COL4A6: variants seen among roughly 807,000 people sequenced by gnomAD.
COL4A6 encodes the protein collagen alpha-6(IV) chain.
COL4A6 carries 59 observed loss-of-function variants against 126.7 expected under a neutral mutation model. The observed-to-expected ratio is 0.47, with a 90% CI of 0.38 to 0.58. COL4A6 has a LOEUF of 0.58. Among genes scored for constraint, COL4A6 ranks in the 20% least tolerant of loss-of-function variants. The pLI, the probability that COL4A6 is intolerant of heterozygous loss-of-function variation, is 0.00. For missense variants in COL4A6, 1,285 were observed against 1,337.3 expected (o/e 0.96, Z 0.61); for synonymous variants, 547 against 496.6 (o/e 1.10, Z -1.35).
intron 3 of COL4A6, among the ~76,000 whole-genome samples, chrX:108,250,070 C>T (rs1320794837): frequency 8.9e-6 from 1 of 112,108 alleles, no homozygotes; most frequent in Non-Finnish European, 1.9e-5. Flanking sequence ...TCCAGGAACA[C>T]AGAATGGCAT....
At chrX:108,161,529 T>A in intron 42 of COL4A6, 90 bp downstream of exon 42, 1 of 569,004 alleles carries the variant, frequency 1.8e-6, no homozygotes, top group South Asian at 2.9e-5. Context: ...TTATTAAGTT[T>A]CAGACTTGAA....
At chrX:108,219,488 C>T (rs762718258) in intron 5 of COL4A6, among the ~76,000 whole-genome samples, 9 of 111,756 alleles carry the variant, frequency 8.1e-5, no homozygotes, top group African/African-American at 2.3e-4. Context: ...CAGGTCCCTC[C>T]GCTCTCCAAT....
chrX:108,414,791 C>T (rs755781195), intron 2 of COL4A6, among the ~76,000 whole-genome samples: 1 of 110,461 alleles, frequency 9.1e-6, no homozygotes, highest in South Asian at 3.9e-4. Context: ...GATCCTGTCT[C>T]AAAAACAAAA....
chrX:108,203,063 C>T, intron 12 of COL4A6, 82 bp from the exon 13 acceptor site: 1 of 819,095 alleles, frequency 1.2e-6, no homozygotes, highest in Non-Finnish European at 1.8e-6. Context: ...TGTACTTGGA[C>T]TGAGGAGTGG....
intron 3 of COL4A6, among the ~76,000 whole-genome samples, chrX:108,264,266 G>C (rs1278605580): frequency 9.0e-6 from 1 of 111,627 alleles, no homozygotes; most frequent in Non-Finnish European, 1.9e-5. Flanking sequence ...TTTATCTACT[G>C]TATACATATT....
Position 108,170,623 on chromosome X carries a change from A to C in COL4A6, c.3479T>G (p.Leu1160Ter). 1 of 1,201,772 alleles carries C rather than the reference A, an allele frequency of 8.3e-7. No homozygotes were observed. The change falls in exon 35 of 45, where the codon TTA becomes TGA. Residue 1160 changes from leucine (L) to a stop codon, truncating the protein, a stop_gained. Transcript: ENST00000334504. LOFTEE classifies it high-confidence loss of function. ...GAIGPLGSPG[L>*]IGPKGFPGFP... is the part of the protein sequence containing the mutation. ...AATACACATACCTTTGGGTCCTATT[A>C]ATCCGGGGGATCCTAGAGGCCCAAT...
chrX:108,293,209 T>G (rs761884499), intron 3 of COL4A6, among the ~76,000 whole-genome samples: 5 of 110,804 alleles, frequency 4.5e-5, no homozygotes. Context: ...GGATTGAATC[T>G]CAGCTTCACA....
At chrX:108,197,904 C>T (rs765431091) in intron 13 of COL4A6, among the ~76,000 whole-genome samples, 1 of 110,080 alleles carries the variant, frequency 9.1e-6, no homozygotes, top group African/African-American at 3.3e-5. Context: ...AGCCTTCATG[C>T]TACATTAAAT....
chrX:108,175,716 C>T lies in COL4A6; in HGVS notation c.2768G>A (p.Gly923Glu), dbSNP rs1484200222. 14 of 1,195,700 alleles carry T rather than the reference C, an allele frequency of 1.2e-5. No homozygotes were observed. The highest frequency in any genetic ancestry group is 1.6e-5 in the Non-Finnish European group (14 of 883,625). Residue 923 changes from glycine (G) to glutamate (E), a missense_variant, in exon 29 of 45, where the codon GGA becomes GAA. By Grantham distance (98) the Gly-to-Glu change is moderately conservative. Transcript: ENST00000334504. Reference protein sequence around the residue: ...PGIPGTRGLKGIPGSTGKMGP... With the variant: ...PGIPGTRGLKEIPGSTGKMGP... Reference sequence around the variant, plus strand: ...CATTTTTCCAGTTGATCCTGGAATTCCTTTTAATCCTCTTGTTCCAGGAAT... The same window carrying T: ...CATTTTTCCAGTTGATCCTGGAATTTCTTTTAATCCTCTTGTTCCAGGAAT...
At chrX:108,411,561 A>T (rs2041330064) in intron 2 of COL4A6, among the ~76,000 whole-genome samples, 1 of 112,142 alleles carries the variant, frequency 8.9e-6, no homozygotes, top group Non-Finnish European at 1.9e-5. Context: ...CTAAGGCCAC[A>T]GTGGCAGGGC....
intron 2 of COL4A6, among the ~76,000 whole-genome samples, chrX:108,328,962 AAC>A (rs1407826121): frequency 8.9e-5 from 10 of 112,074 alleles, no homozygotes; most frequent in Middle Eastern, 4.2e-3. Flanking sequence ...AGAAAAGTCA[AAC>A]ACAGAATAAA....
At chrX:108,172,299 G>C (rs2034330751) in intron 32 of COL4A6, among the ~76,000 whole-genome samples, 170 bp downstream of exon 32, 1 of 96,793 alleles carries the variant, frequency 1.0e-5, no homozygotes, top group Admixed American at 1.2e-4. Context: ...GCAGTGAGCT[G>C]AGATTGCGCC....
chrX:108,205,478 C>T lies in COL4A6; in HGVS notation c.648G>A (p.Gly216=), dbSNP rs765464562. 49 of 1,197,133 alleles carry T rather than the reference C, an allele frequency of 4.1e-5. No individual in the cohort carries two copies. Among genetic ancestry groups the T allele is most frequent in the Non-Finnish European group, 5.2e-5 (46 of 884,511 alleles). ...CTCCTTGAAAACCTAGCCCCATATT[C>T]CCCTAGGGAATAGGGATATAGGGAG... ...PGPPGPLGPD[G]NMGLGFQGEK... is the part of the protein sequence containing the mutation. Residue 216 remains glycine (G), a splice_region_variant and synonymous_variant, in exon 11 of 45, where the codon GGG becomes GGA. Transcript: ENST00000334504.
chrX:108,157,285 A>G (rs1249176382), intron 44 of COL4A6, 25 bp from the exon 45 acceptor site: 1 of 1,195,100 alleles, frequency 8.4e-7, no homozygotes, highest in Non-Finnish European at 1.1e-6. Flanking sequence ...AGATTAGTGC[A>G]TGAGCTGTGC....
At chrX:108,205,588 C>T in intron 10 of COL4A6, 72 bp downstream of exon 10, 2 of 1,131,324 alleles carry the variant, frequency 1.8e-6, no homozygotes, top group Non-Finnish European at 2.4e-6. Flanking sequence ...GTTAACCAAA[C>T]CAGTATCTCT....
chrX:108,379,435 CTTTTTTTTT>C (rs1163909665), intron 2 of COL4A6, among the ~76,000 whole-genome samples: 3 of 76,971 alleles, frequency 3.9e-5, no homozygotes, highest in African/African-American at 1.5e-4. Flanking sequence ...AATTAAAAAA[CTTTTTTTTT>C]TTTTTTTTTT....
chrX:108,362,582 T>C lies in COL4A6; in HGVS notation c.64-51754A>G, dbSNP rs190508391. Among the ~76,000 whole-genome samples, 6 of 112,234 alleles carry C rather than the reference T, an allele frequency of 5.3e-5. No individual in the cohort carries two copies. In the East Asian group the frequency reaches 1.7e-3, roughly 32 times the overall value. ...GTCCTTTTAAAAAGCATTCAGCCTA[T>C]GTTGAAATAACTGCAGTTACTGGGT... On this transcript the variant is annotated intron_variant, in intron 2 of 44. Coordinates refer to ENST00000334504, the MANE Select transcript of COL4A6 (RefSeq NM_033641.4).
intron 3 of COL4A6, among the ~76,000 whole-genome samples, chrX:108,297,522 T>C (rs1482028749): frequency 9.0e-6 from 1 of 110,767 alleles, no homozygotes; most frequent in African/African-American, 3.3e-5. Context: ...CCAAAAATGT[T>C]CCCAGACATG....
chrX:108,249,834 A>G (rs2036807868), intron 3 of COL4A6, among the ~76,000 whole-genome samples: 1 of 111,747 alleles, frequency 8.9e-6, no homozygotes, highest in Admixed American at 9.5e-5. Flanking sequence ...CTCCAGCGCT[A>G]TCTGCCTTCC....
Sources: allele counts gnomAD v4.1 joint callset (sites outside exome capture counted in the v4.1 genomes callset), GRCh38; gene constraint gnomAD v4.1.1; transcripts MANE v1.5; gene names NCBI Gene and HGNC (gene_info 2026-07-23, HGNC 2026-07-21).